Variants in FAM81A observed in about 807,000 individuals in gnomAD.
FAM81A encodes the protein protein FAM81A.
FAM81A carries 19 observed loss-of-function variants against 46.7 expected under a neutral mutation model. The observed-to-expected ratio is 0.41, with a 90% confidence interval of 0.28 to 0.60. FAM81A has a LOEUF of 0.60. Among genes scored for constraint, FAM81A ranks in the 20% least tolerant of loss-of-function variants. FAM81A has a pLI of 0.34. For missense variants in FAM81A, 377 were observed against 453.5 expected (o/e 0.83, Z 1.53); for synonymous variants, 183 against 152.9 (o/e 1.20, Z -1.45).
At chr15:59,423,850 C>A (rs887316621) in intron 2 of FAM81A, among the ~76,000 whole-genome samples, 1 of 152,204 alleles carries the variant, frequency 6.6e-6, no homozygotes, top group African/African-American at 2.4e-5. Flanking sequence ...TCACTGATTT[C>A]TCTTCCTTTA....
intron 1 of FAM81A, among the ~76,000 whole-genome samples, chr15:59,400,367 T>A (rs2081065146): frequency 1.3e-5 from 2 of 152,082 alleles, no homozygotes; most frequent in Non-Finnish European, 2.9e-5. Context: ...CCTCTCCACG[T>A]CCACTGCACC....
chr15:59,444,589 T>G (rs1216827267), intron 1 of FAM81A, among the ~76,000 whole-genome samples: 2 of 152,164 alleles, frequency 1.3e-5, no homozygotes, highest in African/African-American at 4.8e-5. Flanking sequence ...CTGGGAGACC[T>G]GGAGCCACCT....
At chr15:59,426,240 T>C (rs1388045061) in intron 2 of FAM81A, among the ~76,000 whole-genome samples, 1 of 152,004 alleles carries the variant, frequency 6.6e-6, no homozygotes, top group Admixed American at 6.6e-5. Context: ...AAATAATAGG[T>C]ACAAGTACTT....
At chr15:59,490,387 A>G (rs1177102508) in intron 3 of FAM81A, among the ~76,000 whole-genome samples, 1 of 150,346 alleles carries the variant, frequency 6.7e-6, no homozygotes, top group Non-Finnish European at 1.5e-5. Context: ...AGCTCAAACA[A>G]CTCTATAAGA....
chr15:59,422,362 TG>T (rs1237829683), intron 2 of FAM81A, among the ~76,000 whole-genome samples: 2 of 152,196 alleles, frequency 1.3e-5, no homozygotes, highest in Non-Finnish European at 2.9e-5. Context: ...CACCCCAGCC[TG>T]GGTGACAGAG....
chr15:59,482,457 C>T (rs553961251), intron 3 of FAM81A, among the ~76,000 whole-genome samples: 31 of 152,116 alleles, frequency 2.0e-4, no homozygotes, highest in African/African-American at 7.0e-4. Context: ...TTAGTAGAGA[C>T]GGGGTTTCAC....
At position 59,486,514 on chromosome 15, in the gene FAM81A, C is replaced by T. The variant is rs116494859; in HGVS notation, c.295-5757C>T. The stretch of plus-strand genomic sequence containing the variant: ...AGAGAACTTCCCAAACAAAAGATAT[C>T]AAAATTCAAGTACAAGAAATCAAAA... On this transcript the variant is annotated intron_variant, in intron 3 of 8. Transcript: ENST00000288228. 5.0e-3 allele frequency among the ~76,000 whole-genome samples: 760 copies of T among 152,046 alleles called. 5 individuals carry two copies. Among genetic ancestry groups the T allele is most frequent in the African/African-American group, 0.018 (732 of 41,488 alleles).
chr15:59,424,451 T>C (rs992273371), intron 2 of FAM81A, among the ~76,000 whole-genome samples: 1 of 152,200 alleles, frequency 6.6e-6, no homozygotes, highest in Non-Finnish European at 1.5e-5. Context: ...TGTATACTAA[T>C]GCTAATCAAA....
At chr15:59,445,987 C>A (rs557815503) in intron 1 of FAM81A, among the ~76,000 whole-genome samples, 15 of 152,300 alleles carry the variant, frequency 9.8e-5, no homozygotes, top group African/African-American at 3.4e-4. Context: ...GAGCTCACAG[C>A]TGGAAGGGCA....
intron 3 of FAM81A, among the ~76,000 whole-genome samples, chr15:59,462,355 G>A (rs190174261): frequency 4.6e-5 from 7 of 152,238 alleles, no homozygotes; most frequent in Admixed American, 2.0e-4. Flanking sequence ...TAATGGATGT[G>A]TAGTGGTATC....
chr15:59,419,821 G>A (rs989339073), intron 2 of FAM81A, among the ~76,000 whole-genome samples: 8 of 151,064 alleles, frequency 5.3e-5, no homozygotes, highest in Non-Finnish European at 1.2e-4. Flanking sequence ...TGGATTGCAG[G>A]GAGCCGAGAT....
At chr15:59,422,739 G>A (rs1463084202) in intron 2 of FAM81A, among the ~76,000 whole-genome samples, 26 of 152,094 alleles carry the variant, frequency 1.7e-4, no homozygotes, top group Non-Finnish European at 5.9e-5. Context: ...GCCTCCCAAA[G>A]TGCTGGGATT....
chr15:59,510,655 A>G lies in FAM81A; in HGVS notation c.650+1686A>G, dbSNP rs142768401. On this transcript the variant is annotated intron_variant, in intron 6 of 8. Transcript: ENST00000288228. Reference sequence around the variant, plus strand: ...TAGCTGGATATGGTTGTGCATGCCTATAGTCCCAGCTACTCAGGAGGCTGA... The same window carrying G: ...TAGCTGGATATGGTTGTGCATGCCTGTAGTCCCAGCTACTCAGGAGGCTGA... 2.6e-5 allele frequency among the ~76,000 whole-genome samples: 4 copies of G among 151,608 alleles called. No homozygotes were observed. In the East Asian group the frequency reaches 5.8e-4, roughly 22 times the overall value.
chr15:59,420,697 CTTTTTTTTTTTTTTTTTTTTTT>C (rs1229003890), intron 2 of FAM81A, among the ~76,000 whole-genome samples: 4 of 212 alleles, frequency 0.019, 1 homozygote, highest in African/African-American at 0.019. Context: ...AAGGAAGGCT[CTTTTTTTTTTTTTTTTTTTTTT>C]TTTTTTTTTT....
chr15:59,503,471 A>G (rs777991365), intron 4 of FAM81A, among the ~76,000 whole-genome samples: 2 of 152,114 alleles, frequency 1.3e-5, no homozygotes, highest in African/African-American at 4.8e-5. Flanking sequence ...AAGTTTTTCC[A>G]CATAACATGT....
intron 2 of FAM81A, among the ~76,000 whole-genome samples, chr15:59,415,243 C>T (rs1042006835): frequency 3.3e-5 from 5 of 152,006 alleles, no homozygotes; most frequent in African/African-American, 9.7e-5. Flanking sequence ...CTCAGCCTCC[C>T]GAGTAGCTGG....
Position 59,421,706 on chromosome 15 carries a change from ACTATCTATCTGT to A in FAM81A, c.-78+19351_-78+19362del, listed in dbSNP as rs1240696564. ...CCTTGGGGACAGATTAAACCCTTAA[ACTATCTATCTGT>A]CTGTCTGTCTGTCTATCTATCTATC... On this transcript the variant is annotated intron_variant, in intron 2 of 4. Transcript: ENST00000558348. 6.7e-5 allele frequency among the ~76,000 whole-genome samples: 10 copies of A among 150,054 alleles called. No individual in the cohort carries two copies. In the East Asian group the frequency reaches 1.2e-3, roughly 18 times the overall value.
intron 1 of FAM81A, among the ~76,000 whole-genome samples, chr15:59,449,021 A>T (rs1216637205): frequency 2.6e-5 from 4 of 152,128 alleles, no homozygotes; most frequent in Admixed American, 2.6e-4. Context: ...CTGCTCTTCT[A>T]TTGTTGGACA....
intron 2 of FAM81A, among the ~76,000 whole-genome samples, chr15:59,424,072 C>G (rs28593214): frequency 0.03 from 4,512 of 152,304 alleles, 199 homozygotes; most frequent in African/African-American, 0.1. Flanking sequence ...AGTAGAGATT[C>G]TGTCCCCACC....
Sources: gnomAD v4.1 joint callset for allele counts (sites outside exome capture counted in the v4.1 genomes callset) on GRCh38, gnomAD v4.1.1 for gene constraint, MANE v1.5 for transcripts, NCBI Gene and HGNC (gene_info 2026-07-23, HGNC 2026-07-21) for gene names.